The following WDR7 variants were observed in gnomAD, a reference collection of about 807,000 sequenced individuals.
The protein encoded by WDR7 is WD repeat-containing protein 7.
A neutral mutation model predicts 169.4 loss-of-function variants in WDR7; 46 were observed. The ratio of observed to expected loss-of-function variants is 0.27; its 90% CI spans 0.21 to 0.35. The LOEUF (loss-of-function observed/expected upper bound fraction) is 0.35, where lower values mean the gene tolerates loss of function less well. WDR7 is among the 10% of genes least tolerant of loss of function. The probability of loss-of-function intolerance (pLI) is 1.00; values close to 1 mark genes in which losing one functional copy is unlikely to be tolerated. For missense variants in WDR7, 1,534 were observed against 1,859.3 expected (o/e 0.83, Z 3.22); for synonymous variants, 612 against 666.8 (o/e 0.92, Z 1.27).
intron 21 of WDR7, among the ~76,000 whole-genome samples, chr18:56,886,865 G>A (rs1422514994): frequency 6.6e-6 from 1 of 152,058 alleles, no homozygotes; most frequent in Non-Finnish European, 1.5e-5. Flanking sequence ...TAAAGCAACA[G>A]CAGAAAGACA....
chr18:56,745,917 T>C (rs745381435), intron 14 of WDR7, among the ~76,000 whole-genome samples: 5 of 152,150 alleles, frequency 3.3e-5, no homozygotes, highest in Non-Finnish European at 7.4e-5. Context: ...AGACCCTAAG[T>C]TGAAAATCAC....
At chr18:56,739,694 A>C (rs1368432863) in intron 14 of WDR7, among the ~76,000 whole-genome samples, 1 of 151,638 alleles carries the variant, frequency 6.6e-6, no homozygotes, top group African/African-American at 2.4e-5. Context: ...CTGATTATAG[A>C]TTTTTAGGTT....
chr18:56,852,755 T>C (rs1022389470), intron 20 of WDR7, among the ~76,000 whole-genome samples: 2 of 152,134 alleles, frequency 1.3e-5, no homozygotes, highest in Admixed American at 1.3e-4. Flanking sequence ...TATGGATAAA[T>C]GGACTAGAAG....
chr18:56,919,590 G>T (rs1297213795), intron 21 of WDR7, among the ~76,000 whole-genome samples: 1 of 152,198 alleles, frequency 6.6e-6, no homozygotes, highest in East Asian at 1.9e-4. Flanking sequence ...TGAATCCATA[G>T]TTGGTAGTGT....
intron 20 of WDR7, among the ~76,000 whole-genome samples, chr18:56,835,151 G>A (rs2045376792): frequency 6.6e-6 from 1 of 152,082 alleles, no homozygotes; most frequent in Admixed American, 6.6e-5. Flanking sequence ...AGTAGAACAA[G>A]GTATACCACA....
chr18:56,735,866 T>C (rs939178899), intron 14 of WDR7, among the ~76,000 whole-genome samples: 1 of 152,196 alleles, frequency 6.6e-6, no homozygotes, highest in Non-Finnish European at 1.5e-5. Context: ...ATTTGGCCCA[T>C]GGGTCATAGT....
Position 56,662,450 on chromosome 18 carries a change from A to G in WDR7, c.-19-10047A>G, listed in dbSNP as rs565217614. Among the ~76,000 whole-genome samples the G allele has an allele frequency of 7.7e-4, 117 of 152,364 alleles. 1 individual carries two copies. Among genetic ancestry groups the G allele is most frequent in the African/African-American group, 2.8e-3 (115 of 41,584 alleles). ...CAGAATATCGCCCCATAGGTCATTG[A>G]TAGTTTCAAAAGGAAAAACAAAAAC... is the stretch of plus-strand genomic sequence containing the variant. On this transcript the variant is annotated intron_variant, in intron 1 of 27. Coordinates refer to ENST00000254442, the MANE Select transcript of WDR7 (RefSeq NM_015285.3).
intron 9 of WDR7, among the ~76,000 whole-genome samples, 181 bp from the exon 10 acceptor site, chr18:56,694,438 T>C (rs1812777123): frequency 6.6e-6 from 1 of 152,220 alleles, no homozygotes; most frequent in African/African-American, 2.4e-5. Flanking sequence ...AGAATATTAG[T>C]TGACATGTAT....
intron 19 of WDR7, among the ~76,000 whole-genome samples, chr18:56,813,613 A>G (rs1223713505): frequency 6.6e-6 from 1 of 152,150 alleles, no homozygotes; most frequent in Non-Finnish European, 1.5e-5. Context: ...CATGCTGTGA[A>G]TAAACCCTAC....
intron 1 of WDR7, among the ~76,000 whole-genome samples, chr18:56,671,731 C>G (rs1369624423): frequency 6.6e-6 from 1 of 152,210 alleles, no homozygotes; most frequent in Non-Finnish European, 1.5e-5. Context: ...GGGTTCTGAT[C>G]TGGGCTCCAT....
At chr18:56,956,961 G>A (rs1234234501) in intron 25 of WDR7, among the ~76,000 whole-genome samples, 1 of 152,116 alleles carries the variant, frequency 6.6e-6, no homozygotes, top group African/African-American at 2.4e-5. Context: ...TTCTTTTAGT[G>A]AAAAGTGAAG....
chr18:56,795,688 TGCCCAG>T (rs374609108), intron 19 of WDR7, among the ~76,000 whole-genome samples: 9 of 152,346 alleles, frequency 5.9e-5, no homozygotes, highest in African/African-American at 2.2e-4. Context: ...TTCACTCTGT[TGCCCAG>T]GCTGGTCTCA....
At chr18:56,904,131 G>A (rs527946275) in intron 21 of WDR7, among the ~76,000 whole-genome samples, 225 of 151,396 alleles carry the variant, frequency 1.5e-3, no homozygotes, top group African/African-American at 4.9e-3. Flanking sequence ...GTGCAGTGGC[G>A]CGATCTCAGC....
intron 26 of WDR7, among the ~76,000 whole-genome samples, chr18:57,004,777 T>TAAA (rs2048032233): frequency 6.6e-6 from 1 of 152,204 alleles, no homozygotes; most frequent in African/African-American, 2.4e-5. Flanking sequence ...GTTTCACTCT[T>TAAA]TTTTAACTTT....
chr18:56,839,192 T>G (rs2045442916), intron 20 of WDR7, among the ~76,000 whole-genome samples: 1 of 152,172 alleles, frequency 6.6e-6, no homozygotes, highest in Non-Finnish European at 1.5e-5. Flanking sequence ...TTTTGATACC[T>G]GTATACAATG....
intron 20 of WDR7, among the ~76,000 whole-genome samples, chr18:56,857,721 TAGAG>T (rs2045744479): frequency 6.6e-6 from 1 of 151,936 alleles, no homozygotes; most frequent in Non-Finnish European, 1.5e-5. Context: ...CTATAGGAAA[TAGAG>T]GGATAAAGGA....
chr18:56,920,366 C>T (rs1041797109), intron 21 of WDR7, among the ~76,000 whole-genome samples: 1 of 152,162 alleles, frequency 6.6e-6, no homozygotes, highest in African/African-American at 2.4e-5. Context: ...ACACAATGCA[C>T]AATATATTCA....
At chr18:56,912,718 A>G (rs2046569358) in intron 21 of WDR7, among the ~76,000 whole-genome samples, 1 of 152,120 alleles carries the variant, frequency 6.6e-6, no homozygotes, top group Non-Finnish European at 1.5e-5. Context: ...TTTCAGTGAC[A>G]TCATCTCCTG....
At chr18:56,661,090 G>A (rs1180587952) in intron 1 of WDR7, among the ~76,000 whole-genome samples, 1 of 152,194 alleles carries the variant, frequency 6.6e-6, no homozygotes, top group African/African-American at 2.4e-5. Context: ...GGGGAAGCAT[G>A]TTTGTTTCTT....
Sources: gnomAD v4.1 joint callset for allele counts (sites outside exome capture counted in the v4.1 genomes callset) on GRCh38, gnomAD v4.1.1 for gene constraint, MANE v1.5 for transcripts, NCBI Gene and HGNC (gene_info 2026-07-23, HGNC 2026-07-21) for gene names.